The following LRRC28 variants were observed in gnomAD, a reference collection of about 807,000 sequenced individuals.
The protein encoded by LRRC28 is leucine-rich repeat-containing protein 28.
Under a neutral mutation model 45.7 loss-of-function variants are expected in LRRC28, and 39 were observed. That is an observed-to-expected ratio of 0.85 (90% CI 0.66 to 1.12). The LOEUF (loss-of-function observed/expected upper bound fraction) is 1.12. Among genes scored for constraint, LRRC28 ranks in the 50% most tolerant of loss-of-function variants. LRRC28 has a pLI of 0.00. For synonymous variants in LRRC28, 206 were observed against 178.8 expected (o/e 1.15, Z -1.22); for missense variants, 435 against 438.5 (o/e 0.99, Z 0.07).
intron 2 of LRRC28, among the ~76,000 whole-genome samples, chr15:99,266,630 G>A (rs8029457): frequency 0.095 from 14,401 of 152,152 alleles, 948 homozygotes; most frequent in East Asian, 0.31. Flanking sequence ...TGTTTGAATC[G>A]GCATTTTCAC....
intron 2 of LRRC28, among the ~76,000 whole-genome samples, chr15:99,271,834 A>T: frequency 6.6e-6 from 1 of 152,096 alleles, no homozygotes; most frequent in East Asian, 1.9e-4. Flanking sequence ...CTTGACTTCA[A>T]ATGATCCACC....
chr15:99,262,276 G>A (rs1007622748), intron 2 of LRRC28, among the ~76,000 whole-genome samples: 2 of 152,016 alleles, frequency 1.3e-5, no homozygotes, highest in African/African-American at 4.8e-5. Context: ...GGGTAGACAT[G>A]TTTCATAATT....
At chr15:99,324,416 C>T (rs1358445589) in intron 5 of LRRC28, among the ~76,000 whole-genome samples, 3 of 152,032 alleles carry the variant, frequency 2.0e-5, no homozygotes, top group African/African-American at 7.2e-5. Flanking sequence ...CTCTGGAGCT[C>T]AACTTAGAGC....
At chr15:99,334,402 AGTGTGTGTGTGTGTGTGTGT>A (rs57298947) in intron 6 of LRRC28, among the ~76,000 whole-genome samples, 1 of 144,604 alleles carries the variant, frequency 6.9e-6, no homozygotes, top group African/African-American at 2.6e-5. Context: ...GGAATTAAAG[AGTGTGTGTGTGTGTGTGTGT>A]GTGTGTGTGT....
rs1301924425 is a variant in LRRC28 at position 99,390,180 on chromosome 15, C to T, written c.*4078C>T. ...AGGAGCTACCTCCTTGTGTCATCAG[C>T]TAATAGATCTGAAAGTGATGCCGGT... On this transcript the variant is annotated 3_prime_UTR_variant, in exon 10 of 10. Coordinates refer to ENST00000301981, the MANE Select transcript of LRRC28 (RefSeq NM_144598.5). 1.3e-5 allele frequency: 2 copies of T among 152,218 alleles called. No individual in the cohort carries two copies. The highest frequency in any genetic ancestry group is 2.9e-5 in the Non-Finnish European group (2 of 68,048). The allele number at this position is 152,218 out of a possible 1,614,324, so 9.4% of individuals were successfully genotyped here. A position where few individuals can be genotyped will look rare whatever the true frequency, so the allele number is the denominator to read the frequency against.
chr15:99,310,345 C>T (rs1235038667), intron 5 of LRRC28, among the ~76,000 whole-genome samples: 1 of 152,028 alleles, frequency 6.6e-6, no homozygotes, highest in Non-Finnish European at 1.5e-5. Flanking sequence ...TTTTAAAAAC[C>T]AACATTTGTA....
chr15:99,374,439 G>A (rs80195989), intron 9 of LRRC28, among the ~76,000 whole-genome samples: 2,725 of 152,036 alleles, frequency 0.018, 83 homozygotes, highest in African/African-American at 0.061. Flanking sequence ...TTCATATTTC[G>A]ACTGTATATC....
In LRRC28 at chr15:99,388,136, C is replaced by T. The variant is rs1035412512; in HGVS notation, c.*2034C>T. Reference sequence around the variant, plus strand: ...GAATAATTGAAGTTTAACATAACCTCTACATGTATATAAGTTAGCTGGTGA... The same window carrying T: ...GAATAATTGAAGTTTAACATAACCTTTACATGTATATAAGTTAGCTGGTGA... On this transcript the variant is annotated 3_prime_UTR_variant, in exon 10 of 10. Transcript: ENST00000301981. The T allele has an allele frequency of 8.5e-5, 13 of 152,220 alleles. No individual in the cohort carries two copies. The highest frequency in any genetic ancestry group is 3.1e-4 in the African/African-American group (13 of 41,462). The allele number at this position is 152,220 out of a possible 1,614,324, so 9.4% of individuals were successfully genotyped here.
rs955882029 is a variant in LRRC28, at chr15:99,285,497, C to T, written c.210-1760C>T. ...TGCTCAGAGTGACTCCTCAGGCTCTCATCGGTTGTTTCAAAGCTCAGGCCT... is the reference window on the plus strand; with the variant it reads ...TGCTCAGAGTGACTCCTCAGGCTCTTATCGGTTGTTTCAAAGCTCAGGCCT... On this transcript the variant is annotated intron_variant, in intron 3 of 9. Coordinates refer to ENST00000301981, the MANE Select transcript of LRRC28 (RefSeq NM_144598.5). 8 of 1,060,640 alleles carry T rather than the reference C, an allele frequency of 7.5e-6. No individual in the cohort carries two copies. The African/African-American group carries it at 1.1e-4, about 15-fold the overall frequency. 65.7% of individuals were successfully genotyped at this position (1,060,640 alleles called of 1,614,324 possible).
intron 5 of LRRC28, among the ~76,000 whole-genome samples, chr15:99,298,417 T>C (rs1369483812): frequency 6.6e-6 from 1 of 152,174 alleles, no homozygotes; most frequent in Non-Finnish European, 1.5e-5. Context: ...TATTTATCTC[T>C]GAAAGGTATC....
chr15:99,252,055 ATT>A (rs1261331069), intron 1 of LRRC28: 1 of 151,964 alleles, frequency 6.6e-6, no homozygotes, highest in African/African-American at 2.4e-5. Flanking sequence ...GAGGTTTTTG[ATT>A]TTTTTGTTTT....
At chr15:99,351,529 A>G (rs551253142) in intron 6 of LRRC28, among the ~76,000 whole-genome samples, 17 of 152,036 alleles carry the variant, frequency 1.1e-4, no homozygotes, top group Admixed American at 7.9e-4. Context: ...AGTCTTGTCT[A>G]TGCCACTGTC....
chr15:99,287,291 G>A lies in LRRC28; in HGVS notation c.244G>A (p.Glu82Lys). The A allele has an allele frequency of 6.4e-7, 1 of 1,561,466 alleles. No individual in the cohort carries two copies. The highest frequency in any genetic ancestry group is 8.6e-7 in the Non-Finnish European group (1 of 1,156,896). Residue 82 changes from glutamate to lysine, a missense_variant, in exon 4 of 10, where the codon GAA (glutamate) becomes AAA (lysine). Coordinates refer to ENST00000301981, the MANE Select transcript of LRRC28 (RefSeq NM_144598.5). ...LHSNNIVVVP[E>K]AIGSLVKLQC... ...CTCAAATAACATAGTTGTGGTTCCGGAAGGTATGTTTAACTTAAAAATTTT... is the reference window on the plus strand; with the variant it reads ...CTCAAATAACATAGTTGTGGTTCCGAAAGGTATGTTTAACTTAAAAATTTT...
intron 6 of LRRC28, among the ~76,000 whole-genome samples, chr15:99,347,750 G>A (rs1956741134): frequency 6.6e-6 from 1 of 152,194 alleles, no homozygotes; most frequent in African/African-American, 2.4e-5. Context: ...GAGTGCAGAT[G>A]TCTTTATGAG....
At chr15:99,349,800 T>C (rs892235725) in intron 6 of LRRC28, among the ~76,000 whole-genome samples, 5 of 152,162 alleles carry the variant, frequency 3.3e-5, no homozygotes, top group African/African-American at 1.2e-4. Context: ...AAAATGTATA[T>C]AAATGCCCCT....
intron 9 of LRRC28, among the ~76,000 whole-genome samples, chr15:99,370,785 A>G (rs936391828): frequency 1.3e-5 from 2 of 152,196 alleles, no homozygotes; most frequent in African/African-American, 4.8e-5. Context: ...GTGTATATCT[A>G]TGTGCACATA....
chr15:99,313,326 A>C lies in LRRC28; in HGVS notation c.386-20597A>C, dbSNP rs181432931. On this transcript the variant is annotated intron_variant, in intron 5 of 9. Transcript: ENST00000301981. ...GCTCACACCTGGAATTGAAAGGGGA[A>C]ATAAACAACGCAATTATGTTGAAGA... is the stretch of plus-strand genomic sequence containing the variant. 6.6e-5 allele frequency among the ~76,000 whole-genome samples: 10 copies of C among 152,254 alleles called. No homozygotes were observed. In the East Asian group the frequency reaches 1.9e-3, roughly 29 times the overall value.
In LRRC28 at chr15:99,378,811, T is replaced by G. The variant is rs1453641357; in HGVS notation, c.1032-7219T>G. Among the ~76,000 whole-genome samples, 8 of 152,316 alleles carry G rather than the reference T, an allele frequency of 5.3e-5. No individual in the cohort carries two copies. In the East Asian group the frequency reaches 1.5e-3, roughly 29 times the overall value. On this transcript the variant is annotated intron_variant, in intron 9 of 9. Coordinates refer to ENST00000301981, the MANE Select transcript of LRRC28 (RefSeq NM_144598.5). ...TATTGAGATAATCATGTGATTTTTG[T>G]CTTTGGTTCTGTTTATATGATGGAT...
intron 9 of LRRC28, among the ~76,000 whole-genome samples, chr15:99,368,160 A>G (rs376916790): frequency 2.6e-5 from 4 of 152,176 alleles, no homozygotes; most frequent in Non-Finnish European, 5.9e-5. Flanking sequence ...ATGCCCAGAA[A>G]GTCCTAAATC....
Sources: gnomAD v4.1 joint callset for allele counts (sites outside exome capture counted in the v4.1 genomes callset) on GRCh38, gnomAD v4.1.1 for gene constraint, MANE v1.5 for transcripts, NCBI Gene and HGNC (gene_info 2026-07-23, HGNC 2026-07-21) for gene names.